The following INPP4B variants were observed in gnomAD, a reference collection of about 807,000 sequenced individuals.
INPP4B encodes the protein inositol polyphosphate-4-phosphatase type II B.
Under a neutral mutation model 122.5 loss-of-function variants are expected in INPP4B, and 55 were observed. The ratio of observed to expected loss-of-function variants is 0.45; its 90% CI spans 0.36 to 0.56. INPP4B has a LOEUF of 0.56. Ranked by LOEUF, INPP4B falls within the 20% of genes least tolerant of loss-of-function variation. The pLI is 0.00. For missense variants in INPP4B, 1,000 were observed against 1,097.7 expected (o/e 0.91, Z 1.26); for synonymous variants, 403 against 388.7 (o/e 1.04, Z -0.43).
At chr4:142,701,302 G>A (rs1761730526) in intron 2 of INPP4B, among the ~76,000 whole-genome samples, 1 of 152,024 alleles carries the variant, frequency 6.6e-6, no homozygotes, top group Non-Finnish European at 1.5e-5. Context: ...CCTCTCCACA[G>A]TAGGAGATGC....
rs1278599370 is a variant in INPP4B at position 142,193,128 on chromosome 4, A to T, written c.1140T>A (p.Gly380=). The change falls in exon 15 of 26, where the codon GGT becomes GGA. Residue 380 remains glycine (G), a synonymous_variant. Transcript: ENST00000262992. ...AAHFQGFKNG[G]LRKLLHRFET... is the part of the protein sequence containing the mutation. ...CAAATCTATGGAGTAGCTTCCGAAGACCACCATTCTTAAATCCCTGAAAAT... is the reference window on the plus strand; with the variant it reads ...CAAATCTATGGAGTAGCTTCCGAAGTCCACCATTCTTAAATCCCTGAAAAT... The T allele has an allele frequency of 1.2e-6, 2 of 1,612,872 alleles. No homozygotes were observed. Among genetic ancestry groups the T allele is most frequent in the African/African-American group, 2.7e-5 (2 of 74,866 alleles).
chr4:142,272,079 G>A (rs995764043), intron 9 of INPP4B, among the ~76,000 whole-genome samples: 10 of 152,124 alleles, frequency 6.6e-5, no homozygotes, highest in African/African-American at 1.2e-4. Context: ...GTCATGTGAC[G>A]TCTCATTTTC....
chr4:142,066,757 C>T (rs1338821027), intron 25 of INPP4B, among the ~76,000 whole-genome samples: 7 of 152,204 alleles, frequency 4.6e-5, no homozygotes. Context: ...AACTGCAAGG[C>T]AGCAGCGAGG....
chr4:142,351,590 C>A (rs901230992), intron 7 of INPP4B, among the ~76,000 whole-genome samples: 1 of 151,918 alleles, frequency 6.6e-6, no homozygotes, highest in Non-Finnish European at 1.5e-5. Context: ...TTATCAAATC[C>A]ATTTATAGCA....
intron 3 of INPP4B, among the ~76,000 whole-genome samples, chr4:142,442,336 C>T (rs553843015): frequency 1.3e-4 from 18 of 134,210 alleles, no homozygotes; most frequent in East Asian, 2.4e-4. Context: ...TGCTTGAACC[C>T]GGGAGGCGGA....
At chr4:142,397,449 T>A (rs1419608102) in intron 7 of INPP4B, among the ~76,000 whole-genome samples, 1 of 152,196 alleles carries the variant, frequency 6.6e-6, no homozygotes, top group African/African-American at 2.4e-5. Context: ...TTCAATTAGT[T>A]ATATATGCTT....
chr4:142,736,926 G>T (rs1408114802), intron 1 of INPP4B, among the ~76,000 whole-genome samples: 2 of 152,086 alleles, frequency 1.3e-5, no homozygotes, highest in African/African-American at 2.4e-5. Flanking sequence ...TATGATATTG[G>T]CTGTGGGTTT....
intron 25 of INPP4B, among the ~76,000 whole-genome samples, chr4:142,060,058 A>T (rs1163560059): frequency 6.6e-6 from 1 of 152,184 alleles, no homozygotes; most frequent in Non-Finnish European, 1.5e-5. Flanking sequence ...TACTTGCTAT[A>T]CATACGTGAC....
intron 20 of INPP4B, among the ~76,000 whole-genome samples, chr4:142,122,867 C>CT (rs1323611256): frequency 6.6e-6 from 1 of 151,854 alleles, no homozygotes; most frequent in African/African-American, 2.4e-5. Flanking sequence ...TATAAAATAT[C>CT]TTTTAAAACT....
intron 12 of INPP4B, among the ~76,000 whole-genome samples, chr4:142,216,943 T>C (rs1847543240): frequency 6.6e-6 from 1 of 152,198 alleles, no homozygotes; most frequent in Non-Finnish European, 1.5e-5. Flanking sequence ...CAGATAAGTA[T>C]TTTTTAAACT....
At position 142,025,337 on chromosome 4, in the gene INPP4B, TA is replaced by T. The variant is rs1338877519; in HGVS notation, c.*3444del. 1 of 152,202 alleles carries T rather than the reference TA, an allele frequency of 6.6e-6. No individual in the cohort carries two copies. The highest frequency in any genetic ancestry group is 1.5e-5 in the Non-Finnish European group (1 of 68,024). 9.4% of individuals were successfully genotyped at this position (152,202 alleles called of 1,614,324 possible). ...ACCTAAATAGACTCAAGAGTACTAA[TA>T]AATAGTATAAGGTAGTAAAATAATT... On this transcript the variant is annotated 3_prime_UTR_variant, in exon 26 of 26. Coordinates refer to ENST00000262992, the MANE Select transcript of INPP4B (RefSeq NM_001101669.3).
At chr4:142,424,935 C>T (rs1251607717) in intron 5 of INPP4B, among the ~76,000 whole-genome samples, 2 of 151,898 alleles carry the variant, frequency 1.3e-5, no homozygotes, top group Non-Finnish European at 2.9e-5. Flanking sequence ...TATAAAATTA[C>T]ACCAGCTAAT....
At chr4:142,255,287 C>G (rs1177194223) in intron 11 of INPP4B, among the ~76,000 whole-genome samples, 1 of 151,978 alleles carries the variant, frequency 6.6e-6, no homozygotes, top group Non-Finnish European at 1.5e-5. Context: ...TAGGAAAGAA[C>G]TGCATCAACT....
intron 1 of INPP4B, among the ~76,000 whole-genome samples, chr4:142,832,796 C>A (rs1218121745): frequency 6.6e-6 from 1 of 151,222 alleles, no homozygotes; most frequent in Non-Finnish European, 1.5e-5. Flanking sequence ...CCATTTCACA[C>A]ACACACACAA....
chr4:142,588,964 T>A (rs1378305145), intron 2 of INPP4B, among the ~76,000 whole-genome samples: 3 of 151,956 alleles, frequency 2.0e-5, no homozygotes, highest in African/African-American at 7.2e-5. Flanking sequence ...ACTACAGTTA[T>A]CAACATTGTG....
intron 16 of INPP4B, among the ~76,000 whole-genome samples, chr4:142,169,302 T>A (rs1226612372): frequency 2.0e-5 from 3 of 151,658 alleles, no homozygotes; most frequent in Non-Finnish European, 4.4e-5. Context: ...TCAAGTTTTC[T>A]TAGACTTCTA....
chr4:142,047,200 G>A (rs1380694705), intron 25 of INPP4B, among the ~76,000 whole-genome samples: 1 of 152,066 alleles, frequency 6.6e-6, no homozygotes, highest in Non-Finnish European at 1.5e-5. Context: ...AATTTGCTCA[G>A]AGTTAACTTT....
In INPP4B at chr4:142,055,672, C is replaced by A. The variant is rs1448654412; in HGVS notation, c.2642+26359G>T. Among the ~76,000 whole-genome samples, 3 of 151,596 alleles carry A rather than the reference C, an allele frequency of 2.0e-5. No homozygotes were observed. In the East Asian group the frequency reaches 5.8e-4, roughly 29 times the overall value. ...AAGCATTTGTTCAACATTATATAAT[C>A]TTATTTAATTTTCTACTAAATCTTT... On this transcript the variant is annotated intron_variant, in intron 25 of 25. Coordinates refer to ENST00000262992, the MANE Select transcript of INPP4B (RefSeq NM_001101669.3).
intron 24 of INPP4B, among the ~76,000 whole-genome samples, chr4:142,085,034 A>G (rs1197033645): frequency 6.6e-6 from 1 of 152,184 alleles, no homozygotes; most frequent in East Asian, 1.9e-4. Context: ...CCTTCATGTA[A>G]TACAGTATGG....
Sources: gnomAD v4.1 joint callset for allele counts (sites outside exome capture counted in the v4.1 genomes callset) on GRCh38, gnomAD v4.1.1 for gene constraint, MANE v1.5 for transcripts, NCBI Gene and HGNC (gene_info 2026-07-23, HGNC 2026-07-21) for gene names.